Variants in NCALD observed in about 807,000 individuals in gnomAD.
The protein encoded by NCALD is neurocalcin delta, also known as neurocalcin-delta.
In NCALD, 10 loss-of-function variants were observed where a neutral mutation model predicts 18.6. The observed-to-expected ratio is 0.54, with a 90% CI of 0.33 to 0.91. The LOEUF (loss-of-function observed/expected upper bound fraction) is 0.91, where lower values mean the gene tolerates loss of function less well. NCALD is among the 40% of genes least tolerant of loss of function. The probability of loss-of-function intolerance (pLI) is 0.03; values close to 1 mark genes in which losing one functional copy is unlikely to be tolerated. For missense variants in NCALD, 184 were observed against 247.6 expected, an observed-to-expected ratio of 0.74 and a Z score of 1.72; for synonymous variants, 88 against 87.4, an observed-to-expected ratio of 1.01 and a Z score of -0.04.
intron 2 of NCALD, among the ~76,000 whole-genome samples, chr8:102,010,545 T>C (rs1821870714): frequency 6.6e-6 from 1 of 152,162 alleles, no homozygotes; most frequent in African/African-American, 2.4e-5. Context: ...TGAGAATAAG[T>C]TGAGTGTTGA....
At chr8:101,728,587 G>A (rs879789207) in intron 1 of NCALD, among the ~76,000 whole-genome samples, 65 of 152,174 alleles carry the variant, frequency 4.3e-4, no homozygotes, top group Non-Finnish European at 5.7e-4. Context: ...TTGGGAGGCC[G>A]AGGTGGGCAG....
chr8:102,079,045 CAG>C (rs1422991994), intron 1 of NCALD, among the ~76,000 whole-genome samples: 1 of 152,166 alleles, frequency 6.6e-6, no homozygotes, highest in Non-Finnish European at 1.5e-5. Flanking sequence ...TGAGAAGATA[CAG>C]AGAAGCCAGA....
At chr8:101,983,035 GAAGA>G (rs948954603) in intron 2 of NCALD, among the ~76,000 whole-genome samples, 1 of 152,078 alleles carries the variant, frequency 6.6e-6, no homozygotes, top group African/African-American at 2.4e-5. Context: ...CATTTTTAAA[GAAGA>G]AATAAGCCAC....
intron 4 of NCALD, among the ~76,000 whole-genome samples, chr8:101,810,142 A>C (rs955955115): frequency 2.6e-5 from 4 of 152,148 alleles, no homozygotes; most frequent in African/African-American, 9.6e-5. Context: ...GGCACCAAGG[A>C]CTCTTGCTGT....
At chr8:101,909,714 T>C (rs747198822) in intron 3 of NCALD, among the ~76,000 whole-genome samples, 3 of 152,156 alleles carry the variant, frequency 2.0e-5, no homozygotes, top group Non-Finnish European at 4.4e-5. Context: ...ACAGCTAGTA[T>C]AGAGAAACTG....
At chr8:102,103,780 T>C (rs1825361831) in intron 1 of NCALD, among the ~76,000 whole-genome samples, 1 of 152,200 alleles carries the variant, frequency 6.6e-6, no homozygotes, top group African/African-American at 2.4e-5. Context: ...AATTGTTAAA[T>C]ATGAAAGTCA....
intron 1 of NCALD, among the ~76,000 whole-genome samples, chr8:102,117,613 CAAAA>C (rs35595637): frequency 8.4e-6 from 1 of 118,934 alleles, no homozygotes; most frequent in African/African-American, 2.9e-5. Context: ...ACTTTCAACT[CAAAA>C]AAAAAAAAAA....
At chr8:101,826,300 T>A (rs74628775) in intron 4 of NCALD, among the ~76,000 whole-genome samples, 6,332 of 152,306 alleles carry the variant, frequency 0.042, 321 homozygotes, top group East Asian at 0.12. Flanking sequence ...TAGCAAAGAA[T>A]CACTCCCAGA....
chr8:101,786,519 C>A (rs1477895742), intron 1 of NCALD, among the ~76,000 whole-genome samples: 1 of 152,144 alleles, frequency 6.6e-6, no homozygotes, highest in Non-Finnish European at 1.5e-5. Context: ...TCGTCACAAA[C>A]CTGATCATGG....
chr8:101,815,002 A>G (rs899146610), intron 4 of NCALD, among the ~76,000 whole-genome samples: 1 of 152,154 alleles, frequency 6.6e-6, no homozygotes, highest in African/African-American at 2.4e-5. Flanking sequence ...TTCCATGTTT[A>G]TGGATAGGAA....
At chr8:102,084,616 G>A (rs903511517) in intron 1 of NCALD, among the ~76,000 whole-genome samples, 3 of 152,152 alleles carry the variant, frequency 2.0e-5, no homozygotes, top group South Asian at 2.1e-4. Flanking sequence ...GGCGCCACAC[G>A]CAATGTGAAA....
intron 4 of NCALD, among the ~76,000 whole-genome samples, chr8:101,857,121 C>T (rs1170826763): frequency 6.6e-6 from 1 of 152,166 alleles, no homozygotes; most frequent in African/African-American, 2.4e-5. Flanking sequence ...CCAAGCATTG[C>T]TACCATAAGG....
Position 101,719,541 on chromosome 8 carries a change from C to T in NCALD, c.89G>A (p.Trp30Ter). ...GCAGTCTCTCAAGAAGCCTTTATAC[C>T]ATTCCTGGATCTCATGCTCTGTAAA... The part of the protein sequence containing the change: ...TDFTEHEIQE[W>*]YKGFLRDCPS... Residue 30 changes from tryptophan (W) to a stop codon, truncating the protein, a stop_gained, in exon 2 of 4, where the codon TGG (tryptophan) becomes TAG (stop). Transcript: ENST00000220931. LOFTEE classifies it high-confidence loss of function. The T allele has an allele frequency of 6.2e-7, 1 of 1,614,172 alleles. No homozygotes were observed. Among genetic ancestry groups the T allele is most frequent in the Non-Finnish European group, 8.5e-7 (1 of 1,180,030 alleles).
At chr8:101,726,709 A>G (rs1222902377) in intron 1 of NCALD, among the ~76,000 whole-genome samples, 2 of 152,134 alleles carry the variant, frequency 1.3e-5, no homozygotes, top group African/African-American at 2.4e-5. Context: ...ATATAAGTCT[A>G]TAGGTAGAGG....
intron 4 of NCALD, among the ~76,000 whole-genome samples, chr8:101,814,800 T>A (rs1461548271): frequency 6.6e-6 from 1 of 152,062 alleles, no homozygotes; most frequent in Non-Finnish European, 1.5e-5. Flanking sequence ...ATACCACCAA[T>A]GAACAAACAA....
intron 1 of NCALD, among the ~76,000 whole-genome samples, chr8:101,756,384 A>T (rs1478745318): frequency 2.0e-5 from 3 of 152,134 alleles, no homozygotes; most frequent in African/African-American, 7.2e-5. Flanking sequence ...CTTGGCCTGA[A>T]TGGTCAGCAC....
intron 4 of NCALD, among the ~76,000 whole-genome samples, chr8:101,814,692 T>G (rs1813428181): frequency 6.6e-6 from 1 of 152,018 alleles, no homozygotes; most frequent in Admixed American, 6.6e-5. Flanking sequence ...GCAGGTGACA[T>G]GATCATCTAG....
intron 1 of NCALD, among the ~76,000 whole-genome samples, chr8:101,725,912 C>T (rs1816551445): frequency 6.6e-6 from 1 of 152,086 alleles, no homozygotes; most frequent in African/African-American, 2.4e-5. Flanking sequence ...TTGTGGAATG[C>T]CTGCAGTGGG....
intron 1 of NCALD, among the ~76,000 whole-genome samples, chr8:101,758,164 A>C (rs1397472011): frequency 6.6e-6 from 1 of 152,234 alleles, no homozygotes; most frequent in Non-Finnish European, 1.5e-5. Flanking sequence ...CTTCAATGTC[A>C]TGTCTGATCC....
Sources: gnomAD v4.1 joint callset for allele counts (sites outside exome capture counted in the v4.1 genomes callset) on GRCh38, gnomAD v4.1.1 for gene constraint, MANE v1.5 for transcripts, NCBI Gene and HGNC (gene_info 2026-07-23, HGNC 2026-07-21) for gene names.